Variants in ADK observed in about 807,000 individuals in gnomAD.
The protein encoded by ADK is N6,N6-dimethyladenosine kinase.
A neutral mutation model predicts 44.7 loss-of-function variants in ADK; 24 were observed. The ratio of observed to expected loss-of-function variants is 0.54; its 90% CI spans 0.39 to 0.76. The LOEUF (loss-of-function observed/expected upper bound fraction) is 0.76, where lower values mean the gene tolerates loss of function less well. Ranked by LOEUF, ADK falls within the 30% of genes least tolerant of loss-of-function variation. ADK has a pLI of 0.00. For synonymous variants in ADK, 128 were observed against 142.6 expected (o/e 0.90, Z 0.73); for missense variants, 321 against 425.1 (o/e 0.76, Z 2.15).
At chr10:74,503,933 C>G (rs117855771) in intron 6 of ADK, among the ~76,000 whole-genome samples, 74 of 152,286 alleles carry the variant, frequency 4.9e-4, no homozygotes, top group Non-Finnish European at 8.8e-4. Flanking sequence ...ACTTTGCTCT[C>G]CAGAATCCCA....
chr10:74,587,180 A>G (rs940320557), intron 7 of ADK, among the ~76,000 whole-genome samples: 2 of 152,234 alleles, frequency 1.3e-5, no homozygotes, highest in Non-Finnish European at 2.9e-5. Flanking sequence ...TCAGAGTGAC[A>G]GCTTGGGAAG....
At chr10:74,573,674 T>C (rs908814326) in intron 7 of ADK, among the ~76,000 whole-genome samples, 4 of 152,368 alleles carry the variant, frequency 2.6e-5, no homozygotes, top group South Asian at 4.1e-4. Flanking sequence ...TGGAGCTTCC[T>C]GGCTGCTTTG....
intron 2 of ADK, among the ~76,000 whole-genome samples, chr10:74,204,504 A>C (rs112659510): frequency 6.6e-6 from 1 of 152,138 alleles, no homozygotes; most frequent in African/African-American, 2.4e-5. Flanking sequence ...CAAATGTCAA[A>C]GGGTAAGGCA....
chr10:74,517,347 T>C (rs1446006443), intron 6 of ADK, among the ~76,000 whole-genome samples: 1 of 152,174 alleles, frequency 6.6e-6, no homozygotes, highest in Non-Finnish European at 1.5e-5. Context: ...AAAAATGGAC[T>C]TCTTCATTTA....
intron 3 of ADK, among the ~76,000 whole-genome samples, chr10:74,312,304 G>C (rs1840461726): frequency 6.6e-6 from 1 of 152,032 alleles, no homozygotes; most frequent in Admixed American, 6.6e-5. Flanking sequence ...GTGTGTGTGT[G>C]TGTATGTATA....
intron 9 of ADK, among the ~76,000 whole-genome samples, chr10:74,663,246 A>AT (rs1564841830): frequency 4.2e-4 from 10 of 24,056 alleles, no homozygotes; most frequent in East Asian, 1.1e-3. Flanking sequence ...AAAAAAAAAA[A>AT]TAATATATAT....
chr10:74,541,790 A>ACCC (rs1452468608), intron 7 of ADK, among the ~76,000 whole-genome samples: 27 of 24,118 alleles, frequency 1.1e-3, no homozygotes, highest in African/African-American at 1.5e-3. Flanking sequence ...GAGAACCCCC[A>ACCC]CACACCCCCC....
intron 7 of ADK, among the ~76,000 whole-genome samples, chr10:74,569,907 G>A (rs1850874079): frequency 1.3e-5 from 2 of 152,122 alleles, no homozygotes; most frequent in Admixed American, 1.3e-4. Flanking sequence ...ATGGTTTTAG[G>A]TCTAACATTT....
rs187578774 is a variant in ADK at position 74,298,341 on chromosome 10, C to G, written c.195-16326C>G. On this transcript the variant is annotated intron_variant, in intron 3 of 10. Coordinates refer to ENST00000539909, the MANE Select transcript of ADK (RefSeq NM_006721.4). ...CCATTTGTTAGCAAAGCAAGGAGAG[C>G]TATTTACTAATGGTAAGTTAGTAAA... Among the ~76,000 whole-genome samples, 18 of 152,194 alleles carry G rather than the reference C, an allele frequency of 1.2e-4. No homozygotes were observed. The East Asian group carries it at 3.1e-3, about 26-fold the overall frequency.
Position 74,268,496 on chromosome 10 carries a change from C to A in ADK, c.194+43905C>A, listed in dbSNP as rs141280676. On this transcript the variant is annotated intron_variant, in intron 3 of 10. Coordinates refer to ENST00000539909, the MANE Select transcript of ADK (RefSeq NM_006721.4). ...TTCCTCACTGGCAAAATTGTTGATACAACTATTGATATAGTTATGGTGATG... is the reference window on the plus strand; with the variant it reads ...TTCCTCACTGGCAAAATTGTTGATAAAACTATTGATATAGTTATGGTGATG... 4.5e-3 allele frequency among the ~76,000 whole-genome samples: 686 copies of A among 152,072 alleles called. 6 individuals carry two copies. The highest frequency in any genetic ancestry group is 8.0e-3 in the Admixed American group (122 of 15,278).
chr10:74,191,902 G>T (rs946835000), intron 1 of ADK, among the ~76,000 whole-genome samples: 6 of 152,132 alleles, frequency 3.9e-5, no homozygotes, highest in East Asian at 1.9e-4. Flanking sequence ...TTACCACAAA[G>T]AAATTTCTTC....
At chr10:74,544,916 C>T (rs1250934707) in intron 7 of ADK, among the ~76,000 whole-genome samples, 13 of 148,336 alleles carry the variant, frequency 8.8e-5, no homozygotes, top group East Asian at 7.9e-4. Flanking sequence ...TTTTTTGAGA[C>T]GGAATCTTGC....
At chr10:74,288,408 G>A (rs1020822697) in intron 3 of ADK, among the ~76,000 whole-genome samples, 3 of 152,160 alleles carry the variant, frequency 2.0e-5, no homozygotes, top group Admixed American at 6.6e-5. Context: ...CCAGCACTTC[G>A]GGAGGCTGAG....
At chr10:74,518,654 G>C (rs1848692131) in intron 6 of ADK, among the ~76,000 whole-genome samples, 1 of 152,158 alleles carries the variant, frequency 6.6e-6, no homozygotes, top group African/African-American at 2.4e-5. Flanking sequence ...GATGTAGTTA[G>C]ATGGCTCTCC....
At chr10:74,553,388 A>G (rs560100031) in intron 7 of ADK, among the ~76,000 whole-genome samples, 5 of 151,762 alleles carry the variant, frequency 3.3e-5, no homozygotes, top group Non-Finnish European at 7.4e-5. Flanking sequence ...TGTAGTAGAG[A>G]TGGGGTTTCA....
At position 74,178,850 on chromosome 10, in the gene ADK, CCTGAGGAAA is replaced by C. The variant is rs1438867837; in HGVS notation, c.66-21908_66-21900del. ...TTTAAACCAGCTATTACATTTTACA[CCTGAGGAAA>C]CTGAGACAAAAGTTGAGTGCCTTGT... On this transcript the variant is annotated intron_variant, in intron 1 of 10. Coordinates refer to ENST00000539909, the MANE Select transcript of ADK (RefSeq NM_006721.4). 4.6e-5 allele frequency among the ~76,000 whole-genome samples: 7 copies of C among 152,272 alleles called. No homozygotes were observed. In the East Asian group the frequency reaches 1.2e-3, roughly 25 times the overall value.
intron 6 of ADK, among the ~76,000 whole-genome samples, chr10:74,502,891 G>A (rs960645466): frequency 1.3e-5 from 2 of 152,132 alleles, no homozygotes; most frequent in African/African-American, 4.8e-5. Context: ...TTTAGGAAAT[G>A]TAATTATATC....
Position 74,249,069 on chromosome 10 carries a change from T to C in ADK, c.194+24478T>C, listed in dbSNP as rs999661004. On this transcript the variant is annotated intron_variant, in intron 3 of 10. Coordinates refer to ENST00000539909, the MANE Select transcript of ADK (RefSeq NM_006721.4). ...TCATGTCTTCCAATAAAGTATTCCA[T>C]GGCCAAAATTTGTGTGAAATTCTCT... is the stretch of plus-strand genomic sequence containing the variant. Among the ~76,000 whole-genome samples the C allele has an allele frequency of 2.0e-5, 3 of 152,214 alleles. No individual in the cohort carries two copies. The East Asian group carries it at 5.8e-4, about 29-fold the overall frequency.
At chr10:74,268,692 T>C (rs929050642) in intron 3 of ADK, among the ~76,000 whole-genome samples, 3 of 152,194 alleles carry the variant, frequency 2.0e-5, no homozygotes, top group Non-Finnish European at 2.9e-5. Flanking sequence ...ATCACAGATG[T>C]TGTAGAATGA....
Sources: allele counts gnomAD v4.1 joint callset (sites outside exome capture counted in the v4.1 genomes callset), GRCh38; gene constraint gnomAD v4.1.1; transcripts MANE v1.5; gene names NCBI Gene and HGNC (gene_info 2026-07-23, HGNC 2026-07-21).